The following KRR1 variants were observed in gnomAD, a reference collection of about 807,000 sequenced individuals.
KRR1 encodes KRR1 small subunit processome component homolog.
A neutral mutation model predicts 50.0 loss-of-function variants in KRR1; 23 were observed. The ratio of observed to expected loss-of-function variants is 0.46; its 90% CI spans 0.33 to 0.65. The LOEUF (loss-of-function observed/expected upper bound fraction) is 0.65. Among genes scored for constraint, KRR1 ranks in the 30% least tolerant of loss-of-function variants. The probability of loss-of-function intolerance (pLI) is 0.02; values close to 1 mark genes in which losing one functional copy is unlikely to be tolerated. For missense variants in KRR1, 419 were observed against 442.4 expected, an observed-to-expected ratio of 0.95 and a Z score of 0.47; for synonymous variants, 133 against 146.3, an observed-to-expected ratio of 0.91 and a Z score of 0.66.
Position 75,506,524 on chromosome 12 carries a change from C to T in KRR1, c.479G>A (p.Arg160Gln), listed in dbSNP as rs1441652902. The change falls in exon 4 of 10, where the codon CGA (arginine) becomes CAA (glutamine). Residue 160 changes from arginine to glutamine, a missense_variant. Transcript: ENST00000229214. The stretch of plus-strand genomic sequence containing the variant: ...TTTGGGACCAATAAGCCGTTGTCTT[C>T]GTTTTACAAATCTCTCTTTATTCCT... Reference protein sequence around the residue: ...LVRNKERFVKRRQRLIGPKGS... With the variant: ...LVRNKERFVKQRQRLIGPKGS... The T allele has an allele frequency of 1.3e-6, 2 of 1,592,438 alleles. No homozygotes were observed. Among genetic ancestry groups the T allele is most frequent in the Non-Finnish European group, 1.7e-6 (2 of 1,168,566 alleles).
In KRR1 at chr12:75,498,743, G is replaced by A; in HGVS notation, c.*1066C>T. The A allele has an allele frequency of 1.9e-6, 3 of 1,609,258 alleles. No individual in the cohort carries two copies. Among genetic ancestry groups the A allele is most frequent in the Non-Finnish European group, 2.6e-6 (3 of 1,175,976 alleles). ...AACGTACGTACATCAATCTTAAATTGTTTCATTAAGAGCTATGTGAATTCT... is the reference window on the plus strand; with the variant it reads ...AACGTACGTACATCAATCTTAAATTATTTCATTAAGAGCTATGTGAATTCT... On this transcript the variant is annotated 3_prime_UTR_variant, in exon 10 of 10. Transcript: ENST00000229214.
Position 75,499,698 on chromosome 12 carries a change from CAAAAAAAA to C in KRR1, c.*103_*110del. 2 of 563,682 alleles carry C rather than the reference CAAAAAAAA, an allele frequency of 3.5e-6. No homozygotes were observed. Among genetic ancestry groups the C allele is most frequent in the Non-Finnish European group, 5.6e-6 (2 of 354,512 alleles). The allele number at this position is 563,682 out of a possible 1,614,324, so 34.9% of individuals were successfully genotyped here. Reference sequence around the variant, plus strand: ...CTCTTCTATGAACAACCACCACCACCAAAAAAAAAAAAAGCCCTCAGAAAATTTCTCAC... The same window carrying C: ...CTCTTCTATGAACAACCACCACCACCAAAAAGCCCTCAGAAAATTTCTCAC... On this transcript the variant is annotated 3_prime_UTR_variant, in exon 10 of 10. Transcript: ENST00000229214.
intron 6 of KRR1, among the ~76,000 whole-genome samples, chr12:75,504,895 C>A (rs1265684515): frequency 6.6e-6 from 1 of 151,862 alleles, no homozygotes; most frequent in Non-Finnish European, 1.5e-5. Context: ...TCTAAGAAAA[C>A]TGGATTGATA....
At chr12:75,510,441 A>G (rs934664852) in intron 1 of KRR1, among the ~76,000 whole-genome samples, 5 of 152,368 alleles carry the variant, frequency 3.3e-5, no homozygotes, top group African/African-American at 4.8e-5. Flanking sequence ...GAAACACCAC[A>G]TAACAGTGAA....
In KRR1 at chr12:75,498,646, T is replaced by C. The variant is rs773735837; in HGVS notation, c.*1163A>G. 4.0e-6 allele frequency: 6 copies of C among 1,492,474 alleles called. No homozygotes were observed. The highest frequency in any genetic ancestry group is 1.4e-5 in the African/African-American group (1 of 72,526). 92.5% of individuals were successfully genotyped at this position (1,492,474 alleles called of 1,614,324 possible). ...AGCTTTTTAAAATAAAACTCTCAACTGTGTCTACCCTTTTAATTTTTTTTC... is the reference window on the plus strand; with the variant it reads ...AGCTTTTTAAAATAAAACTCTCAACCGTGTCTACCCTTTTAATTTTTTTTC... On this transcript the variant is annotated 3_prime_UTR_variant, in exon 10 of 10. Transcript: ENST00000229214.
Position 75,497,433 on chromosome 12 carries a change from T to G in KRR1, c.*2376A>C, listed in dbSNP as rs2046357921. 2.0e-5 allele frequency: 3 copies of G among 152,228 alleles called. No homozygotes were observed. The highest frequency in any genetic ancestry group is 2.0e-4 in the Admixed American group (3 of 15,274). 9.4% of individuals were successfully genotyped at this position (152,228 alleles called of 1,614,324 possible). On this transcript the variant is annotated 3_prime_UTR_variant, in exon 10 of 10. Coordinates refer to ENST00000229214, the MANE Select transcript of KRR1 (RefSeq NM_007043.7). ...ATGTGAAACTCATTACCCATTTACT[T>G]CAGATAAGTGCTCAACATCTTACAG...
chr12:75,494,474 T>C lies in KRR1; in HGVS notation c.*5335A>G, dbSNP rs1227188181. The C allele has an allele frequency of 5.3e-5, 8 of 152,172 alleles. No individual in the cohort carries two copies. The highest frequency in any genetic ancestry group is 1.9e-4 in the African/African-American group (8 of 41,438). The allele number at this position is 152,172 out of a possible 1,614,324, so 9.4% of individuals were successfully genotyped here. A position where few individuals can be genotyped will look rare whatever the true frequency, so the allele number is the denominator to read the frequency against. ...AATATAGTTTGTGTTCATCACTGCATTGAAACTAATAGCCCCCGGTAGATC... is the reference window on the plus strand; with the variant it reads ...AATATAGTTTGTGTTCATCACTGCACTGAAACTAATAGCCCCCGGTAGATC... On this transcript the variant is annotated 3_prime_UTR_variant, in exon 10 of 10. Transcript: ENST00000229214.
In KRR1 at chr12:75,490,912, A is replaced by C. The variant is rs2046320265; in HGVS notation, c.*8897T>G. On this transcript the variant is annotated 3_prime_UTR_variant, in exon 10 of 10. Transcript: ENST00000229214. Reference sequence around the variant, plus strand: ...CTTGGCAATTTTACACAATTTTCAAAGCAAAACAGATTCCTCAACTTATAT... The same window carrying C: ...CTTGGCAATTTTACACAATTTTCAACGCAAAACAGATTCCTCAACTTATAT... 1 of 156,460 alleles carries C rather than the reference A, an allele frequency of 6.4e-6. No individual in the cohort carries two copies. Among genetic ancestry groups the C allele is most frequent in the South Asian group, 1.9e-4 (1 of 5,292 alleles). The allele number at this position is 156,460 out of a possible 1,614,324, so 9.7% of individuals were successfully genotyped here. A position where few individuals can be genotyped will look rare whatever the true frequency, so the allele number is the denominator to read the frequency against.
chr12:75,510,734 A>G (rs1308949123), intron 1 of KRR1, among the ~76,000 whole-genome samples: 1 of 152,200 alleles, frequency 6.6e-6, no homozygotes, highest in Non-Finnish European at 1.5e-5. Flanking sequence ...AGTTTCCCGC[A>G]TGGTTTTATT....
At chr12:75,503,579 C>T in intron 7 of KRR1, 1 of 178,606 alleles carries the variant, frequency 5.6e-6, no homozygotes, top group Non-Finnish European at 1.2e-5. Context: ...CCATAGAGCA[C>T]ACAGTCACAA....
At chr12:75,506,944 T>C in intron 2 of KRR1, 28 bp from the exon 3 acceptor site, 1 of 1,561,204 alleles carries the variant, frequency 6.4e-7, no homozygotes, top group Non-Finnish European at 8.6e-7. Context: ...AAACAAGCAG[T>C]TGTCTAAAAA....
Position 75,498,479 on chromosome 12 carries a change from TAA to T in KRR1, c.*1328_*1329del, listed in dbSNP as rs1005454242. 2 of 463,826 alleles carry T rather than the reference TAA, an allele frequency of 4.3e-6. No homozygotes were observed. The highest frequency in any genetic ancestry group is 4.0e-5 in the African/African-American group (2 of 49,506). The allele number at this position is 463,826 out of a possible 1,614,324, so 28.7% of individuals were successfully genotyped here. On this transcript the variant is annotated 3_prime_UTR_variant, in exon 10 of 10. Transcript: ENST00000229214. ...TAGTAATGGTATAGTTTCCTTTTTATAAAAGGTTTATAAAGTTTATGTAAAAA... is the reference window on the plus strand; with the variant it reads ...TAGTAATGGTATAGTTTCCTTTTTATAAGGTTTATAAAGTTTATGTAAAAA...
At position 75,496,006 on chromosome 12, in the gene KRR1, T is replaced by TG. The variant is rs1409341016; in HGVS notation, c.*3802_*3803insC. 25 of 130,964 alleles carry TG rather than the reference T, an allele frequency of 1.9e-4. No homozygotes were observed. Among genetic ancestry groups the TG allele is most frequent in the East Asian group, 9.5e-4 (4 of 4,228 alleles). The allele number at this position is 130,964 out of a possible 1,614,324, so 8.1% of individuals were successfully genotyped here. A position where few individuals can be genotyped will look rare whatever the true frequency, so the allele number is the denominator to read the frequency against. ...ACAGAATTCTGTTTTCGTTTTTTTT[T>TG]TTGTTTTTTTTTTTTGAGACAGAGT... On this transcript the variant is annotated 3_prime_UTR_variant, in exon 10 of 10. Coordinates refer to ENST00000229214, the MANE Select transcript of KRR1 (RefSeq NM_007043.7).
rs2046424780 is a variant in KRR1, at chr12:75,506,855, G to T, written c.320C>A (p.Thr107Asn). 1.9e-6 allele frequency: 3 copies of T among 1,613,244 alleles called. No homozygotes were observed. Among genetic ancestry groups the T allele is most frequent in the Non-Finnish European group, 2.5e-6 (3 of 1,179,486 alleles). Residue 107 changes from threonine (T) to asparagine (N), a missense_variant, in exon 3 of 10, where the codon ACT (threonine) becomes AAT (asparagine). Thr to Asn is a moderately conservative substitution (Grantham distance 65). Coordinates refer to ENST00000229214, the MANE Select transcript of KRR1 (RefSeq NM_007043.7). Reference sequence around the variant, plus strand: ...CCTAATGATGATATATGGATCAAAAGTCTTCTTTGTAGTACAAACAGTCAT... The same window carrying T: ...CCTAATGATGATATATGGATCAAAATTCTTCTTTGTAGTACAAACAGTCAT... ...GSMTVCTTKK[T>N]FDPYIIIRAR...
At position 75,495,524 on chromosome 12, in the gene KRR1, C is replaced by T; in HGVS notation, c.*4285G>A. 1.0e-6 allele frequency: 1 copy of T among 956,872 alleles called. No homozygotes were observed. The highest frequency in any genetic ancestry group is 1.3e-5 in the South Asian group (1 of 74,792). 59.3% of individuals were successfully genotyped at this position (956,872 alleles called of 1,614,324 possible). On this transcript the variant is annotated 3_prime_UTR_variant, in exon 10 of 10. Coordinates refer to ENST00000229214, the MANE Select transcript of KRR1 (RefSeq NM_007043.7). ...TTAGTTAAGGATTCATAGTAAATTG[C>T]AATTTTAAAAAACCGAAAAACTTCT... is the stretch of plus-strand genomic sequence containing the variant.
Position 75,506,403 on chromosome 12 carries a change from T to C in KRR1, c.520-4A>G, listed in dbSNP as rs2046421628. 1 of 1,606,422 alleles carries C rather than the reference T, an allele frequency of 6.2e-7. No individual in the cohort carries two copies. The highest frequency in any genetic ancestry group is 8.5e-7 in the Non-Finnish European group (1 of 1,178,242). On this transcript the variant is annotated splice_region_variant and splice_polypyrimidine_tract_variant and intron_variant, in intron 4 of 9. Transcript: ENST00000229214. Reference sequence around the variant, plus strand: ...AATTAGTTAAGAGTTCCAATGCCTGTATCAAGAGATCAAGTTAAAATTCAT... The same window carrying C: ...AATTAGTTAAGAGTTCCAATGCCTGCATCAAGAGATCAAGTTAAAATTCAT...
At position 75,492,293 on chromosome 12, in the gene KRR1, G is replaced by T. The variant is rs915055263; in HGVS notation, c.*7516C>A. The T allele has an allele frequency of 1.3e-5, 2 of 152,246 alleles. No homozygotes were observed. The highest frequency in any genetic ancestry group is 1.3e-4 in the Admixed American group (2 of 15,276). The allele number at this position is 152,246 out of a possible 1,614,324, so 9.4% of individuals were successfully genotyped here. On this transcript the variant is annotated 3_prime_UTR_variant, in exon 10 of 10. Coordinates refer to ENST00000229214, the MANE Select transcript of KRR1 (RefSeq NM_007043.7). ...GACAGAGTTTTGCCATATTGCCCAGGCTCATCTCCAACTCCTGGGCTAAAG... is the reference window on the plus strand; with the variant it reads ...GACAGAGTTTTGCCATATTGCCCAGTCTCATCTCCAACTCCTGGGCTAAAG...
chr12:75,510,826 T>C (rs551731985), intron 1 of KRR1, among the ~76,000 whole-genome samples: 4 of 152,336 alleles, frequency 2.6e-5, no homozygotes, highest in Admixed American at 2.6e-4. Context: ...TTGAATACTT[T>C]CCCAATGCAT....
rs956393397 is a variant in KRR1, at chr12:75,497,315, C to T, written c.*2494G>A. On this transcript the variant is annotated 3_prime_UTR_variant, in exon 10 of 10. Coordinates refer to ENST00000229214, the MANE Select transcript of KRR1 (RefSeq NM_007043.7). ...GATCTAACTTGAGATGCTCTTTAAT[C>T]TTGGGGAATAACATTTAGAAGATTA... 1 of 152,170 alleles carries T rather than the reference C, an allele frequency of 6.6e-6. No individual in the cohort carries two copies. Among genetic ancestry groups the T allele is most frequent in the Non-Finnish European group, 1.5e-5 (1 of 68,038 alleles). The allele number at this position is 152,170 out of a possible 1,614,324, so 9.4% of individuals were successfully genotyped here.
Sources: allele counts gnomAD v4.1 joint callset (sites outside exome capture counted in the v4.1 genomes callset), GRCh38; gene constraint gnomAD v4.1.1; transcripts MANE v1.5; gene names NCBI Gene and HGNC (gene_info 2026-07-23, HGNC 2026-07-21).